The following UNC13C variants were observed in gnomAD, a reference collection of about 807,000 sequenced individuals.
The protein encoded by UNC13C is protein unc-13 homolog C.
UNC13C carries 174 observed loss-of-function variants against 245.4 expected under a neutral mutation model. The observed-to-expected ratio is 0.71, with a 90% CI of 0.63 to 0.80. The LOEUF is 0.80. UNC13C is among the 30% of genes least tolerant of loss of function. The pLI is 0.00. For missense variants in UNC13C, 2,829 were observed against 2,602.9 expected (o/e 1.09, Z -1.89); for synonymous variants, 992 against 895.1 (o/e 1.11, Z -1.93).
intron 19 of UNC13C, among the ~76,000 whole-genome samples, chr15:54,417,665 AC>A (rs2040550090): frequency 6.6e-6 from 1 of 152,138 alleles, no homozygotes; most frequent in Non-Finnish European, 1.5e-5. Context: ...AGATGGTCTT[AC>A]TAGTGACATT....
At chr15:54,365,849 C>T (rs1312852313) in intron 17 of UNC13C, among the ~76,000 whole-genome samples, 4 of 151,794 alleles carry the variant, frequency 2.6e-5, no homozygotes, top group Admixed American at 1.3e-4. Context: ...ACTATGTCTT[C>T]CTGAAGGTTC....
At chr15:54,480,382 G>A (rs1206319917) in intron 19 of UNC13C, among the ~76,000 whole-genome samples, 1 of 148,714 alleles carries the variant, frequency 6.7e-6, no homozygotes, top group East Asian at 2.0e-4. Context: ...AATGTTTCAT[G>A]TGTTACATAG....
chr15:54,017,026 G>T (rs1895692117), intron 2 of UNC13C, among the ~76,000 whole-genome samples: 1 of 152,158 alleles, frequency 6.6e-6, no homozygotes, highest in South Asian at 2.1e-4. Context: ...TTTTGTGGTT[G>T]ATGTGAGTAG....
At chr15:54,629,812 T>A (rs764363497), downstream of UNC13C, 1 of 152,212 alleles carries the variant, frequency 6.6e-6, no homozygotes, top group Non-Finnish European at 1.5e-5. Flanking sequence ...CATGTTTAAT[T>A]GCATCCAATT....
At chr15:53,997,512 A>T (rs539075451) in intron 1 of UNC13C, among the ~76,000 whole-genome samples, 1 of 152,246 alleles carries the variant, frequency 6.6e-6, no homozygotes, top group South Asian at 2.1e-4. Context: ...TATATGTTAT[A>T]CTCACAGCAT....
At chr15:54,067,519 T>C (rs1898129362) in intron 2 of UNC13C, among the ~76,000 whole-genome samples, 1 of 152,216 alleles carries the variant, frequency 6.6e-6, no homozygotes, top group Non-Finnish European at 1.5e-5. Flanking sequence ...CTTGTCTCTA[T>C]GATAATGCAT....
At chr15:53,878,906 T>C in the UNC13C span, among the ~76,000 whole-genome samples, 113 of 152,244 alleles carry the variant, frequency 7.4e-4, no homozygotes, top group African/African-American at 1.9e-3. Context: ...TGAAATAACT[T>C]TTAGAAAATT....
chr15:54,528,788 AC>A (rs1445984873), intron 25 of UNC13C, among the ~76,000 whole-genome samples: 9 of 152,088 alleles, frequency 5.9e-5, no homozygotes, highest in African/African-American at 2.2e-4. Flanking sequence ...ATCATGGATG[AC>A]CCCGTGGTAA....
At chr15:54,311,449 A>T (rs1007843932) in intron 13 of UNC13C, among the ~76,000 whole-genome samples, 4 of 151,830 alleles carry the variant, frequency 2.6e-5, no homozygotes, top group Non-Finnish European at 4.4e-5. Flanking sequence ...CAAGAAAAAC[A>T]CTATGGTAAT....
At chr15:54,593,546 C>G (rs1898914645) in intron 30 of UNC13C, among the ~76,000 whole-genome samples, 1 of 151,808 alleles carries the variant, frequency 6.6e-6, no homozygotes, top group African/African-American at 2.4e-5. Flanking sequence ...TTGTCTTTGT[C>G]TTTGTTGGAT....
the UNC13C span, among the ~76,000 whole-genome samples, chr15:53,850,209 T>A: frequency 6.6e-6 from 1 of 152,046 alleles, no homozygotes; most frequent in Admixed American, 6.6e-5. Context: ...TGAGGTCAAG[T>A]TCAAGACCAG....
At chr15:53,856,240 C>T in the UNC13C span, among the ~76,000 whole-genome samples, 3 of 151,870 alleles carry the variant, frequency 2.0e-5, no homozygotes, top group Non-Finnish European at 4.4e-5. Context: ...AAAAACAGCT[C>T]CTGGATTTGT....
At chr15:54,158,834 GT>G (rs1297085181) in intron 4 of UNC13C, among the ~76,000 whole-genome samples, 1 of 151,772 alleles carries the variant, frequency 6.6e-6, no homozygotes, top group East Asian at 1.9e-4. Flanking sequence ...AAAAAATTAT[GT>G]AAAGATGAGG....
the UNC13C span, among the ~76,000 whole-genome samples, chr15:53,962,626 C>A: frequency 6.6e-6 from 1 of 152,150 alleles, no homozygotes. Context: ...AAGAAAGAGA[C>A]AAACTTATAA....
chr15:54,332,228 C>T (rs2038455697), intron 15 of UNC13C, 117 bp downstream of exon 15: 1 of 691,682 alleles, frequency 1.4e-6, no homozygotes. Context: ...ATCTCAGGTG[C>T]TGTTACCCTT....
In UNC13C at chr15:54,160,582, T is replaced by C. The variant is rs145462586; in HGVS notation, c.3071+16898T>C. On this transcript the variant is annotated intron_variant, in intron 4 of 32. Coordinates refer to ENST00000260323, the MANE Select transcript of UNC13C (RefSeq NM_001080534.3). ...TAGAATTCATGATCTTCAAATCTGG[T>C]ATAAGACTCTGATGTCTGGAATAAA... 5.1e-3 allele frequency among the ~76,000 whole-genome samples: 779 copies of C among 152,160 alleles called. 10 individuals are homozygous for C. Among genetic ancestry groups the C allele is most frequent in the African/African-American group, 0.018 (753 of 41,522 alleles).
At chr15:54,427,170 C>G (rs1302349374) in intron 19 of UNC13C, among the ~76,000 whole-genome samples, 2 of 151,638 alleles carry the variant, frequency 1.3e-5, no homozygotes, top group African/African-American at 2.4e-5. Flanking sequence ...GGCTGTGTCC[C>G]CACTGAAACC....
intron 1 of UNC13C, among the ~76,000 whole-genome samples, chr15:54,008,134 T>A (rs539306790): frequency 1.4e-4 from 22 of 152,352 alleles, no homozygotes; most frequent in African/African-American, 5.1e-4. Context: ...CTCCTTTAGC[T>A]CACTAGGGTA....
intron 7 of UNC13C, among the ~76,000 whole-genome samples, chr15:54,247,038 C>A (rs1192984049): frequency 6.6e-6 from 1 of 152,160 alleles, no homozygotes; most frequent in African/African-American, 2.4e-5. Context: ...GTGTCTGATT[C>A]CAAGTTGTTT....
Sources: gnomAD v4.1 joint callset for allele counts (sites outside exome capture counted in the v4.1 genomes callset) on GRCh38, gnomAD v4.1.1 for gene constraint, MANE v1.5 for transcripts, NCBI Gene and HGNC (gene_info 2026-07-23, HGNC 2026-07-21) for gene names.